The following CCAR2 variants were observed in gnomAD, a reference collection of about 807,000 sequenced individuals.
CCAR2 encodes cell cycle and apoptosis regulator 2, also known as cell cycle and apoptosis regulator protein 2.
CCAR2 carries 21 observed loss-of-function variants against 108.1 expected under a neutral mutation model. That is an observed-to-expected ratio of 0.19 (90% CI 0.14 to 0.28). CCAR2 has a LOEUF of 0.28. Ranked by LOEUF, CCAR2 falls within the 10% of genes least tolerant of loss-of-function variation. The pLI is 1.00. For synonymous variants in CCAR2, 577 were observed against 472.8 expected (o/e 1.22, Z -2.86); for missense variants, 1,126 against 1,177.0 (o/e 0.96, Z 0.63).
rs1486677501 is a variant in CCAR2, at chr8:22,619,224, G to A, written c.2596G>A (p.Val866Ile). 2.5e-6 allele frequency: 4 copies of A among 1,577,376 alleles called. No individual in the cohort carries two copies. The highest frequency in any genetic ancestry group is 3.4e-6 in the Non-Finnish European group (4 of 1,161,954). The change falls in exon 20 of 21, where the codon GTC (valine) becomes ATC (isoleucine). Residue 866 changes from valine to isoleucine, a missense_variant. Transcript: ENST00000308511. ...GGCGGCAGAGATGCAGGAGCTGCGA[G>A]TCCGGCTGGCGGAGGCCGAGGAGAC... is the stretch of plus-strand genomic sequence containing the variant. ...TLAAEMQELR[V>I]RLAEAEETAR...
chr8:22,605,033 G>A, intron 1 of CCAR2, 191 bp downstream of exon 1: 1 of 300,278 alleles, frequency 3.3e-6, no homozygotes. Context: ...AGGAGAAACC[G>A]CGCGCCTCAG....
chr8:22,616,893 TTTTGGG>T (rs1801540309), intron 14 of CCAR2, among the ~76,000 whole-genome samples: 1 of 74,200 alleles, frequency 1.3e-5, no homozygotes, highest in African/African-American at 9.0e-5. Flanking sequence ...TTTTTTTTTT[TTTTGGG>T]GAGATGGAGT....
chr8:22,618,267 A>G, intron 16 of CCAR2, 82 bp from the exon 17 acceptor site: 1 of 1,584,688 alleles, frequency 6.3e-7, no homozygotes, highest in Non-Finnish European at 8.6e-7. Flanking sequence ...AAGCCACTGG[A>G]TTCTGGACAG....
intron 7 of CCAR2, among the ~76,000 whole-genome samples, chr8:22,609,054 T>G (rs1256102830): frequency 7.0e-6 from 1 of 143,406 alleles, no homozygotes; most frequent in Admixed American, 6.9e-5. Context: ...TTTTTTTTCT[T>G]TTTTTTTTTT....
chr8:22,613,941 G>T, intron 8 of CCAR2, 151 bp from the exon 9 acceptor site: 1 of 640,182 alleles, frequency 1.6e-6, no homozygotes, highest in South Asian at 2.0e-5. Flanking sequence ...AAATTAAGTG[G>T]TCAGATCTGA....
chr8:22,606,222 A>AAC, intron 3 of CCAR2, 46 bp downstream of exon 3: 1 of 1,401,874 alleles, frequency 7.1e-7, no homozygotes, highest in Non-Finnish European at 1.0e-6. Flanking sequence ...TTGGGACTGA[A>AAC]TGCATGGAGG....
rs1187578892 is a variant in CCAR2, at chr8:22,606,299, A to G, written c.150+123A>G. The G allele has an allele frequency of 4.5e-6, 4 of 884,310 alleles. No homozygotes were observed. In the African/African-American group the frequency reaches 6.7e-5, roughly 15 times the overall value. 54.8% of individuals were successfully genotyped at this position (884,310 alleles called of 1,614,324 possible). ...CTGATCCCTCTCCTGGTAGTGGGCT[A>G]GTATGGGGTTGCCCAGATAGCCTTC... On this transcript the variant is annotated intron_variant, in intron 3 of 20. Transcript: ENST00000308511.
chr8:22,610,451 C>T (rs1317413665), intron 7 of CCAR2, among the ~76,000 whole-genome samples: 1 of 152,216 alleles, frequency 6.6e-6, no homozygotes, highest in Non-Finnish European at 1.5e-5. Context: ...TGCCTTACAA[C>T]CTCCTGACAA....
At chr8:22,613,993 A>G (rs1801395284) in intron 8 of CCAR2, 99 bp from the exon 9 acceptor site, 1 of 1,078,524 alleles carries the variant, frequency 9.3e-7, no homozygotes, top group Non-Finnish European at 1.3e-6. Flanking sequence ...AAGTTCTCAG[A>G]CTGAAAAAAA....
At chr8:22,619,473 CTT>C (rs1289113049) in intron 20 of CCAR2, 118 bp downstream of exon 20, 1 of 1,415,606 alleles carries the variant, frequency 7.1e-7, no homozygotes, top group African/African-American at 1.4e-5. Flanking sequence ...CCGGCTTCGT[CTT>C]TCCATCGCTT....
rs1232110691 is a variant in CCAR2 at position 22,618,391 on chromosome 8, C to T, written c.2116C>T (p.Leu706=). 1 of 1,614,232 alleles carries T rather than the reference C, an allele frequency of 6.2e-7. No homozygotes were observed. Among genetic ancestry groups the T allele is most frequent in the East Asian group, 2.2e-5 (1 of 44,884 alleles). The change falls in exon 17 of 21, where the codon CTG becomes TTG. Residue 706 remains leucine, a synonymous_variant. Coordinates refer to ENST00000308511, the MANE Select transcript of CCAR2 (RefSeq NM_001393997.1). ...DPSAVLPLDC[L]LAFVFFDANW... ...CTCTGCTGTGCTCCCCTTAGACTGT[C>T]TGCTTGCTTTTGTGTTCTTTGATGC...
At position 22,607,243 on chromosome 8, in the gene CCAR2, G is replaced by A; in HGVS notation, c.405G>A (p.Leu135=). 6.2e-7 allele frequency: 1 copy of A among 1,613,976 alleles called. No individual in the cohort carries two copies. The highest frequency in any genetic ancestry group is 8.5e-7 in the Non-Finnish European group (1 of 1,180,010). ...PAPPLLHVAA[L]GQKQGILGAQ... The stretch of plus-strand genomic sequence containing the variant: ...CTCCTCTTCTGCATGTAGCAGCCCT[G>A]GGCCAGAAGCAAGGGATCCTGGGAG... The change falls in exon 6 of 21, where the codon CTG becomes CTA. Residue 135 remains leucine (L), a synonymous_variant. Coordinates refer to ENST00000308511, the MANE Select transcript of CCAR2 (RefSeq NM_001393997.1).
downstream of CCAR2, chr8:22,621,366 G>A (rs1400815490): frequency 1.3e-6 from 2 of 1,568,796 alleles, no homozygotes; most frequent in Non-Finnish European, 1.7e-6. Flanking sequence ...CCCTGAGAAG[G>A]GCAAGGATGA....
rs1361462392 is a variant in CCAR2 at position 22,619,672 on chromosome 8, C to T, written c.2762C>T (p.Pro921Leu). ...DSWVEKEEPA[P>L]SN is the part of the protein sequence containing the mutation. ...TGGGTGGAGAAGGAGGAGCCGGCAC[C>T]TAGCAACTGACGGCCTCGCACGGAA... The change falls in exon 21 of 21, where the codon CCT (proline) becomes CTT (leucine). Residue 921 changes from proline to leucine, a missense_variant. By Grantham distance (98) the Pro-to-Leu change is moderately conservative. This residue lies in a region of CCAR2 where 1,013 missense variants were observed against 993.9 expected (regional missense o/e 1.02). Transcript: ENST00000308511. The T allele has an allele frequency of 1.4e-5, 22 of 1,574,442 alleles. No homozygotes were observed. Among genetic ancestry groups the T allele is most frequent in the Non-Finnish European group, 1.8e-5 (21 of 1,159,540 alleles).
chr8:22,613,881 T>G, intron 8 of CCAR2: 1 of 581,804 alleles, frequency 1.7e-6, no homozygotes, highest in South Asian at 2.2e-5. Context: ...GTGTTATAAG[T>G]GTTTTCTTTT....
rs1470848998 is a variant in CCAR2 at position 22,613,148 on chromosome 8, G to C, written c.704+12G>C. 1.3e-6 allele frequency: 2 copies of C among 1,557,692 alleles called. No individual in the cohort carries two copies. The highest frequency in any genetic ancestry group is 1.7e-6 in the Non-Finnish European group (2 of 1,151,604). ...TACACTGTGGACAGGTGAGTGGCGAGGCTGAGGTGGGCTGAGTCTTGCTGC... is the reference window on the plus strand; with the variant it reads ...TACACTGTGGACAGGTGAGTGGCGACGCTGAGGTGGGCTGAGTCTTGCTGC... On this transcript the variant is annotated intron_variant, in intron 8 of 20. Transcript: ENST00000308511.
intron 7 of CCAR2, among the ~76,000 whole-genome samples, chr8:22,611,212 T>C (rs1383052114): frequency 1.3e-5 from 2 of 151,640 alleles, no homozygotes; most frequent in Non-Finnish European, 2.9e-5. Context: ...AATACAAAAA[T>C]TAGCCAGGCA....
At position 22,618,944 on chromosome 8, in the gene CCAR2, AGC is replaced by A; in HGVS notation, c.2456_2457del (p.Ala819GlyfsTer26). The A allele has an allele frequency of 6.2e-7, 1 of 1,613,654 alleles. No individual in the cohort carries two copies. The highest frequency in any genetic ancestry group is 8.5e-7 in the Non-Finnish European group (1 of 1,180,034). On this transcript the variant is annotated frameshift_variant, in exon 19 of 21. Coordinates refer to ENST00000308511, the MANE Select transcript of CCAR2 (RefSeq NM_001393997.1). LOFTEE classifies it high-confidence loss of function. ...CTGATTAACGTGGGGAGCCTGCTGC[AGC>A]GCGCGGAGCAGCAGGACAGCGGCCG... is the stretch of plus-strand genomic sequence containing the variant.
rs766309835 is a variant in CCAR2 at position 22,618,444 on chromosome 8, A to G, written c.2169A>G (p.Arg723=). The change falls in exon 17 of 21, where the codon CGA becomes CGG. Residue 723 remains arginine (R), a synonymous_variant. Coordinates refer to ENST00000308511, the MANE Select transcript of CCAR2 (RefSeq NM_001393997.1). Reference sequence around the variant, plus strand: ...ACTGGTGTGGCTACTTGCACCGGCGAGACTTAGAGAGGATCCTCCTTACCC... The same window carrying G: ...ACTGGTGTGGCTACTTGCACCGGCGGGACTTAGAGAGGATCCTCCTTACCC... ...DANWCGYLHR[R]DLERILLTLG... The G allele has an allele frequency of 1.9e-6, 3 of 1,614,024 alleles. No individual in the cohort carries two copies. Among genetic ancestry groups the G allele is most frequent in the Non-Finnish European group, 2.5e-6 (3 of 1,180,046 alleles).
Sources: gnomAD v4.1 joint callset for allele counts (sites outside exome capture counted in the v4.1 genomes callset) on GRCh38, gnomAD v4.1.1 for gene constraint, gnomAD v4.1.1 regional missense constraint, MANE v1.5 for transcripts, NCBI Gene and HGNC (gene_info 2026-07-23, HGNC 2026-07-21) for gene names.